Variants in PPP4C observed in about 807,000 individuals in gnomAD.
The protein encoded by PPP4C is protein phosphatase 4 catalytic subunit, also known as serine/threonine-protein phosphatase 4 catalytic subunit.
PPP4C carries 10 observed loss-of-function variants against 40.5 expected under a neutral mutation model. That is an observed-to-expected ratio of 0.25 (90% CI 0.15 to 0.42). The LOEUF (loss-of-function observed/expected upper bound fraction) is 0.42. PPP4C is among the 10% of genes least tolerant of loss of function. The pLI, the probability that PPP4C is intolerant of heterozygous loss-of-function variation, is 1.00. For missense variants in PPP4C, 191 were observed against 416.4 expected (o/e 0.46, Z 4.71); for synonymous variants, 187 against 163.6 (o/e 1.14, Z -1.09).
Position 30,083,883 on chromosome 16 carries a change from A to C in PPP4C, c.604+102A>C. ...CTGTCACTCGTCCTCCACCTGCCAA[A>C]TGGCTGGAACCCTGGAGGAGGAGCA... On this transcript the variant is annotated intron_variant, in intron 7 of 8. Transcript: ENST00000279387. The surrounding 1 kb of genome is among the most constrained non-coding windows in gnomAD (Gnocchi z 6.3). The C allele has an allele frequency of 1.3e-6, 2 of 1,529,266 alleles. No individual in the cohort carries two copies. Among genetic ancestry groups the C allele is most frequent in the Non-Finnish European group, 1.8e-6 (2 of 1,124,812 alleles). The allele number at this position is 1,529,266 out of a possible 1,614,324, so 94.7% of individuals were successfully genotyped here. A position where few individuals can be genotyped will look rare whatever the true frequency, so the allele number is the denominator to read the frequency against.
chr16:30,082,760 C>G lies in PPP4C; in HGVS notation c.216C>G (p.Val72=), dbSNP rs542239728. 15 of 1,614,010 alleles carry G rather than the reference C, an allele frequency of 9.3e-6. No individual in the cohort carries two copies. In the African/African-American group the frequency reaches 1.6e-4, roughly 17 times the overall value. The change falls in exon 5 of 9, where the codon GTC becomes GTG. Residue 72 remains valine, a synonymous_variant. Coordinates refer to ENST00000279387, the MANE Select transcript of PPP4C (RefSeq NM_002720.3). ...CTTCCCCACAGGTAGGTGGCGACGT[C>G]CCTGAGACCAACTACCTCTTCATGG... ...LKELFRVGGD[V]PETNYLFMGD...
Position 30,083,546 on chromosome 16 carries a change from G to A in PPP4C, c.456G>A (p.Leu152=), listed in dbSNP as rs2072550473. The change falls in exon 6 of 9, where the codon CTG becomes CTA. Residue 152 remains leucine, a synonymous_variant. Coordinates refer to ENST00000279387, the MANE Select transcript of PPP4C (RefSeq NM_002720.3). This position sits in a 1 kb window ranked among gnomAD's most constrained non-coding sequence, Gnocchi z 6.3. The part of the protein sequence containing the change: ...YCTEIFDYLS[L]SAIIDGKIFC... ...CTGAGATCTTTGACTACCTCAGCCTGTCAGCCATCATCGATGGCAAGGTAA... is the reference window on the plus strand; with the variant it reads ...CTGAGATCTTTGACTACCTCAGCCTATCAGCCATCATCGATGGCAAGGTAA... 1 of 1,614,164 alleles carries A rather than the reference G, an allele frequency of 6.2e-7. No homozygotes were observed. Among genetic ancestry groups the A allele is most frequent in the Non-Finnish European group, 8.5e-7 (1 of 1,180,010 alleles).
chr16:30,084,553 C>T lies in PPP4C; in HGVS notation c.605-113C>T, dbSNP rs192337907. On this transcript the variant is annotated intron_variant, in intron 7 of 8. Transcript: ENST00000279387. Reference sequence around the variant, plus strand: ...ATATTCAGGCCCCATGCTCTGGTCCCACGGGCCTCTGGTGGACTTGGGGAG... The same window carrying T: ...ATATTCAGGCCCCATGCTCTGGTCCTACGGGCCTCTGGTGGACTTGGGGAG... 7.0e-3 allele frequency: 6,578 copies of T among 939,900 alleles called. 44 individuals are homozygous for T. Among genetic ancestry groups the T allele is most frequent in the Non-Finnish European group, 8.9e-3 (5,315 of 597,852 alleles). The allele number at this position is 939,900 out of a possible 1,614,324, so 58.2% of individuals were successfully genotyped here.
In PPP4C at chr16:30,084,734, T is replaced by C; in HGVS notation, c.673T>C (p.Phe225Leu). The change falls in exon 8 of 9, where the codon TTC becomes CTC. Residue 225 changes from phenylalanine to leucine, a missense_variant. By Grantham distance (22) the Phe-to-Leu change is conservative (BLOSUM62 0). This residue lies in a region of PPP4C where 171 missense variants were observed against 352.4 expected (regional missense o/e 0.49). Coordinates refer to ENST00000279387, the MANE Select transcript of PPP4C (RefSeq NM_002720.3). Reference sequence around the variant, plus strand: ...ATTTGGCAGTGACGTGGTGGCCCAGTTCAACGCAGCCAATGACATTGACAT... The same window carrying C: ...ATTTGGCAGTGACGTGGTGGCCCAGCTCAACGCAGCCAATGACATTGACAT... ...YLFGSDVVAQ[F>L]NAANDIDMIC... 6.2e-7 allele frequency: 1 copy of C among 1,614,220 alleles called. No homozygotes were observed. Among genetic ancestry groups the C allele is most frequent in the Non-Finnish European group, 8.5e-7 (1 of 1,180,032 alleles).
chr16:30,078,864 T>A (rs2072452439), intron 2 of PPP4C, among the ~76,000 whole-genome samples: 2 of 152,196 alleles, frequency 1.3e-5, no homozygotes, highest in Non-Finnish European at 2.9e-5. Context: ...AGTCCGGGTA[T>A]CCGGGCACAG....
chr16:30,082,413 C>T (rs772903836), intron 3 of PPP4C, 71 bp from the exon 4 acceptor site: 80 of 1,438,642 alleles, frequency 5.6e-5, no homozygotes, highest in Middle Eastern at 3.5e-4. Flanking sequence ...ACTAAAGCAG[C>T]GGGTGTTTGG....
At chr16:30,079,798 T>C (rs1279736537) in intron 2 of PPP4C, among the ~76,000 whole-genome samples, 1 of 152,050 alleles carries the variant, frequency 6.6e-6, no homozygotes, top group Non-Finnish European at 1.5e-5. Context: ...GCCAGGCGAG[T>C]TGGGCCTCCC....
intron 2 of PPP4C, among the ~76,000 whole-genome samples, chr16:30,078,992 C>T (rs555525537): frequency 3.9e-5 from 6 of 152,100 alleles, no homozygotes; most frequent in East Asian, 3.9e-4. Flanking sequence ...ACTGGGGTTG[C>T]GCTGGCACTG....
chr16:30,077,301 T>TTA (rs2072420779), intron 2 of PPP4C, among the ~76,000 whole-genome samples: 1 of 152,172 alleles, frequency 6.6e-6, no homozygotes, highest in Non-Finnish European at 1.5e-5. Flanking sequence ...AGTGAGTTGG[T>TTA]GCTGGAGATG....
intron 8 of PPP4C, 37 bp from the exon 9 acceptor site, chr16:30,084,896 G>A: frequency 6.2e-7 from 1 of 1,613,766 alleles, no homozygotes; most frequent in Non-Finnish European, 8.5e-7. Context: ...GGGCATCTGA[G>A]CCGAGCTGCT....
chr16:30,082,679 C>A, intron 4 of PPP4C, 67 bp from the exon 5 acceptor site: 1 of 1,547,974 alleles, frequency 6.5e-7, no homozygotes, highest in Non-Finnish European at 8.9e-7. Context: ...AGGGCCTCCG[C>A]TGGACAGAAA....
chr16:30,083,778 G>C lies in PPP4C; in HGVS notation c.601G>C (p.Glu201Gln). Residue 201 changes from glutamate (E) to glutamine (Q), a missense_variant, in exon 7 of 9, where the codon GAA (glutamate) becomes CAA (glutamine). Coordinates refer to ENST00000279387, the MANE Select transcript of PPP4C (RefSeq NM_002720.3). This position sits in a 1 kb window ranked among gnomAD's most constrained non-coding sequence, Gnocchi z 6.3. ...GTGTGACCTCCTCTGGTCTGACCCA[G>C]AAGGTGAGGGCATGTGGGCAGGGGC... ...PMCDLLWSDP[E>Q]DTTGWGVSPR... is the part of the protein sequence containing the mutation. The C allele has an allele frequency of 6.2e-7, 1 of 1,614,048 alleles. No homozygotes were observed. The highest frequency in any genetic ancestry group is 8.5e-7 in the Non-Finnish European group (1 of 1,180,044).
chr16:30,077,638 T>C lies in PPP4C; in HGVS notation c.98+1163T>C, dbSNP rs1344094827. ...AATTGTGGCAGAAGAGCCCACAGAATTACCCTACGTTTATTGAACAGTAAA... is the reference window on the plus strand; with the variant it reads ...AATTGTGGCAGAAGAGCCCACAGAACTACCCTACGTTTATTGAACAGTAAA... On this transcript the variant is annotated intron_variant, in intron 2 of 8. Coordinates refer to ENST00000279387, the MANE Select transcript of PPP4C (RefSeq NM_002720.3). Among the ~76,000 whole-genome samples the C allele has an allele frequency of 3.9e-5, 6 of 152,214 alleles. No individual in the cohort carries two copies. In the East Asian group the frequency reaches 1.2e-3, roughly 29 times the overall value.
At position 30,083,106 on chromosome 16, in the gene PPP4C, G is replaced by A. The variant is rs2072542239; in HGVS notation, c.303+259G>A. Reference sequence around the variant, plus strand: ...GCCACTGGTGGGAGAGGCAGTGTGGGGCCAGATGACAAAGGGCCTGGGTGC... The same window carrying A: ...GCCACTGGTGGGAGAGGCAGTGTGGAGCCAGATGACAAAGGGCCTGGGTGC... On this transcript the variant is annotated intron_variant, in intron 5 of 8. Coordinates refer to ENST00000279387, the MANE Select transcript of PPP4C (RefSeq NM_002720.3). The surrounding 1 kb of genome is among the most constrained non-coding windows in gnomAD (Gnocchi z 6.3). 1.0e-5 allele frequency: 6 copies of A among 591,268 alleles called. 1 individual carries two copies. The South Asian group carries it at 1.2e-4, about 12-fold the overall frequency. 36.6% of individuals were successfully genotyped at this position (591,268 alleles called of 1,614,324 possible). A position where few individuals can be genotyped will look rare whatever the true frequency, so the allele number is the denominator to read the frequency against.
chr16:30,082,929 A>G (rs774358123), intron 5 of PPP4C, 82 bp downstream of exon 5: 250 of 1,187,876 alleles, frequency 2.1e-4, no homozygotes, highest in Non-Finnish European at 2.8e-4. Flanking sequence ...CTCATCTCCT[A>G]TCGTGACCAG....
At chr16:30,078,590 T>C (rs12445768) in intron 2 of PPP4C, among the ~76,000 whole-genome samples, 74,616 of 151,566 alleles carry the variant, frequency 0.49, 18,890 homozygotes, top group African/African-American at 0.61. Flanking sequence ...TGGGGACCCA[T>C]CAGAGACCCA....
Position 30,076,022 on chromosome 16 carries a change from G to T in PPP4C, c.-136G>T, listed in dbSNP as rs897233956. The T allele has an allele frequency of 1.6e-5, 6 of 381,986 alleles. No individual in the cohort carries two copies. Among genetic ancestry groups the T allele is most frequent in the African/African-American group, 8.8e-5 (4 of 45,540 alleles). The allele number at this position is 381,986 out of a possible 1,614,324, so 23.7% of individuals were successfully genotyped here. A position where few individuals can be genotyped will look rare whatever the true frequency, so the allele number is the denominator to read the frequency against. ...GGAAGTAGGAGCGGCGGCGGCGGCG[G>T]CGGCGGCGGTCGAAAGCGGAGTGAA... On this transcript the variant is annotated 5_prime_UTR_variant, in exon 1 of 9. Transcript: ENST00000279387.
Position 30,083,138 on chromosome 16 carries a change from A to G in PPP4C, c.304-256A>G. On this transcript the variant is annotated intron_variant, in intron 5 of 8. Coordinates refer to ENST00000279387, the MANE Select transcript of PPP4C (RefSeq NM_002720.3). This position sits in a 1 kb window ranked among gnomAD's most constrained non-coding sequence, Gnocchi z 6.3. The stretch of plus-strand genomic sequence containing the variant: ...TGACAAAGGGCCTGGGTGCCTTGCT[A>G]GGGACCCGGTCTGTGTCTGGTAGGT... 1.7e-6 allele frequency: 1 copy of G among 593,686 alleles called. No homozygotes were observed. Among genetic ancestry groups the G allele is most frequent in the Non-Finnish European group, 3.0e-6 (1 of 336,414 alleles). The allele number at this position is 593,686 out of a possible 1,614,324, so 36.8% of individuals were successfully genotyped here. A position where few individuals can be genotyped will look rare whatever the true frequency, so the allele number is the denominator to read the frequency against.
intron 2 of PPP4C, among the ~76,000 whole-genome samples, chr16:30,077,621 C>T (rs1317885226): frequency 2.6e-5 from 4 of 152,294 alleles, no homozygotes; most frequent in Admixed American, 6.5e-5. Flanking sequence ...AGAATTGTGG[C>T]AGAAGAGCCC....
Sources: allele counts gnomAD v4.1 joint callset (sites outside exome capture counted in the v4.1 genomes callset), GRCh38; gene constraint gnomAD v4.1.1; regional missense constraint gnomAD v4.1.1; non-coding constraint Gnocchi (gnomAD v3.1); transcripts MANE v1.5; gene names NCBI Gene and HGNC (gene_info 2026-07-23, HGNC 2026-07-21).